Variants in DYRK1A observed in about 807,000 individuals in gnomAD.
The protein encoded by DYRK1A is dual specificity tyrosine phosphorylation regulated kinase 1A, also known as dual specificity tyrosine-phosphorylation-regulated kinase 1A.
DYRK1A carries 9 observed loss-of-function variants against 79.7 expected under a neutral mutation model. The ratio of observed to expected loss-of-function variants is 0.11; its 90% CI spans 0.07 to 0.20. The LOEUF (loss-of-function observed/expected upper bound fraction) is 0.20. Among genes scored for constraint, DYRK1A ranks in the 10% least tolerant of loss-of-function variants. The probability of loss-of-function intolerance (pLI) is 1.00; values close to 1 mark genes in which losing one functional copy is unlikely to be tolerated. For missense variants in DYRK1A, 622 were observed against 956.0 expected, an observed-to-expected ratio of 0.65 and a Z score of 4.61; for synonymous variants, 349 against 329.7, an observed-to-expected ratio of 1.06 and a Z score of -0.63.
At chr21:37,422,834 T>G (rs573564746) in intron 2 of DYRK1A, among the ~76,000 whole-genome samples, 5 of 152,296 alleles carry the variant, frequency 3.3e-5, no homozygotes, top group African/African-American at 1.2e-4. Flanking sequence ...ATAGTTTTAC[T>G]GAACACTAGG....
chr21:37,460,593 C>G (rs985092378), intron 2 of DYRK1A, among the ~76,000 whole-genome samples: 5 of 152,146 alleles, frequency 3.3e-5, no homozygotes, highest in African/African-American at 1.2e-4. Flanking sequence ...TCTTTGTTTA[C>G]CTGTCTTTTG....
chr21:37,455,175 C>G (rs190561557), intron 2 of DYRK1A, among the ~76,000 whole-genome samples: 6 of 151,952 alleles, frequency 3.9e-5, no homozygotes, highest in Admixed American at 2.6e-4. Flanking sequence ...TGATTCTACC[C>G]CTGTGTGTGA....
At chr21:37,453,915 A>G (rs962248183) in intron 2 of DYRK1A, among the ~76,000 whole-genome samples, 1 of 152,102 alleles carries the variant, frequency 6.6e-6, no homozygotes, top group African/African-American at 2.4e-5. Flanking sequence ...TATACTAAAA[A>G]TTGATTTACT....
chr21:37,463,801 A>T (rs144901911), intron 2 of DYRK1A, among the ~76,000 whole-genome samples: 71 of 152,120 alleles, frequency 4.7e-4, no homozygotes, highest in South Asian at 1.5e-3. Flanking sequence ...GTTGCTAGGG[A>T]CCTCGTGGGT....
At chr21:37,489,228 A>G (rs1442110843) in intron 6 of DYRK1A, among the ~76,000 whole-genome samples, 1 of 152,166 alleles carries the variant, frequency 6.6e-6, no homozygotes, top group Non-Finnish European at 1.5e-5. Flanking sequence ...ATAAGATAAA[A>G]TGAAAATCAC....
intron 2 of DYRK1A, among the ~76,000 whole-genome samples, chr21:37,457,037 C>CTTACTTACTTACTTACTTAT (rs1035437095): frequency 1.0e-3 from 62 of 59,246 alleles, no homozygotes; most frequent in South Asian, 6.4e-3. Flanking sequence ...TACTTACTTA[C>CTTACTTACTTACTTACTTAT]TTATTTATTT....
At chr21:37,417,534 T>TCTTTTTCTTTTTCTTTTTC (rs1555959240) in intron 1 of DYRK1A, among the ~76,000 whole-genome samples, 30 of 84,216 alleles carry the variant, frequency 3.6e-4, no homozygotes, top group African/African-American at 1.0e-3. Flanking sequence ...TTTTTCTTTT[T>TCTTTTTCTTTTTCTTTTTC]TTTTTTTTTT....
In DYRK1A at chr21:37,442,234, G is replaced by A. The variant is rs922956696; in HGVS notation, c.10+21850G>A. The stretch of plus-strand genomic sequence containing the variant: ...GTGCTTGTGGTTTGTTGAACTTTTA[G>A]ATCTATGGGTTTGTAGTTTTTATCA... On this transcript the variant is annotated intron_variant, in intron 2 of 11. Transcript: ENST00000647188. 2.0e-5 allele frequency among the ~76,000 whole-genome samples: 3 copies of A among 151,842 alleles called. No homozygotes were observed. The East Asian group carries it at 5.8e-4, about 29-fold the overall frequency.
At chr21:37,379,356 A>G (rs536910616) in intron 1 of DYRK1A, among the ~76,000 whole-genome samples, 19 of 152,348 alleles carry the variant, frequency 1.2e-4, no homozygotes, top group Non-Finnish European at 1.8e-4. Context: ...TTAATTTCCA[A>G]CAGACCAAAG....
At chr21:37,395,175 C>T (rs1465869638) in intron 1 of DYRK1A, among the ~76,000 whole-genome samples, 3 of 152,230 alleles carry the variant, frequency 2.0e-5, no homozygotes, top group Non-Finnish European at 2.9e-5. Context: ...CATTTTGGCT[C>T]ATGGGCCAGA....
rs1367152355 is a variant in DYRK1A, at chr21:37,519,057, C to T, written c.*6526C>T. On this transcript the variant is annotated 3_prime_UTR_variant, in exon 12 of 12. Transcript: ENST00000647188. Reference sequence around the variant, plus strand: ...AATTGCCAGATGTAAGTATATAAAACTTACACAGTTTGTTCCTTTTTGTTG... The same window carrying T: ...AATTGCCAGATGTAAGTATATAAAATTTACACAGTTTGTTCCTTTTTGTTG... 6.6e-6 allele frequency: 1 copy of T among 152,202 alleles called. No homozygotes were observed. The highest frequency in any genetic ancestry group is 1.9e-4 in the East Asian group (1 of 5,202). 9.4% of individuals were successfully genotyped at this position (152,202 alleles called of 1,614,324 possible). A position where few individuals can be genotyped will look rare whatever the true frequency, so the allele number is the denominator to read the frequency against.
chr21:37,472,628 T>C, intron 2 of DYRK1A, 56 bp from the exon 3 acceptor site: 1 of 1,387,492 alleles, frequency 7.2e-7, no homozygotes, highest in Non-Finnish European at 9.7e-7. Context: ...ATATGTCAAA[T>C]GATACAAACA....
In DYRK1A at chr21:37,479,593, TGTTTTTGTTTTTGTTTTTG is replaced by T. The variant is rs1484132304; in HGVS notation, c.301-1044_301-1026del. Among the ~76,000 whole-genome samples the T allele has an allele frequency of 5.9e-4, 39 of 66,508 alleles. 1 individual carries two copies. The highest frequency in any genetic ancestry group is 4.2e-3 in the African/African-American group (39 of 9,210). 43.6% of individuals were successfully genotyped at this position (66,508 alleles called of 152,430 possible). A position where few individuals can be genotyped will look rare whatever the true frequency, so the allele number is the denominator to read the frequency against. On this transcript the variant is annotated intron_variant, in intron 4 of 11. Transcript: ENST00000647188. ...AGTCTTAGAAACAGTGTTGGTGTTTTGTTTTTGTTTTTGTTTTTGTTTTTTGTTTTTTTTTTTTTTTTTG... is the reference window on the plus strand; with the variant it reads ...AGTCTTAGAAACAGTGTTGGTGTTTTTTTTTTGTTTTTTTTTTTTTTTTTG...
intron 1 of DYRK1A, among the ~76,000 whole-genome samples, chr21:37,388,268 A>T (rs893143949): frequency 2.0e-5 from 3 of 151,846 alleles, no homozygotes; most frequent in Non-Finnish European, 4.4e-5. Context: ...TATTTTGTAG[A>T]GACGGGGGTC....
intron 3 of DYRK1A, among the ~76,000 whole-genome samples, chr21:37,477,886 A>G (rs2052456000): frequency 6.6e-6 from 1 of 152,194 alleles, no homozygotes; most frequent in Admixed American, 6.5e-5. Context: ...GTGGTAGAGA[A>G]GCCCTCGTGG....
intron 1 of DYRK1A, among the ~76,000 whole-genome samples, chr21:37,412,691 TAAGACCATTTAGATA>T (rs1440087528): frequency 6.6e-6 from 1 of 152,188 alleles, no homozygotes; most frequent in African/African-American, 2.4e-5. Flanking sequence ...TAGGATTTAG[TAAGACCATTTAGATA>T]AAGTCAGCAG....
At chr21:37,393,094 T>TTTTGGGGGACACA (rs1236306883) in intron 1 of DYRK1A, among the ~76,000 whole-genome samples, 1 of 152,218 alleles carries the variant, frequency 6.6e-6, no homozygotes, top group Non-Finnish European at 1.5e-5. Flanking sequence ...AACAAATGAA[T>TTTTGGGGGACACA]TTTGGGGGAC....
intron 2 of DYRK1A, among the ~76,000 whole-genome samples, chr21:37,448,972 A>G (rs992089975): frequency 1.3e-5 from 2 of 152,324 alleles, no homozygotes; most frequent in Non-Finnish European, 2.9e-5. Context: ...TGTTGGGATT[A>G]CAGGTGTGAG....
Position 37,522,729 on chromosome 21 carries a change from C to T in DYRK1A, c.*10198C>T, listed in dbSNP as rs977238723. 8 of 152,252 alleles carry T rather than the reference C, an allele frequency of 5.3e-5. No individual in the cohort carries two copies. Among genetic ancestry groups the T allele is most frequent in the African/African-American group, 1.9e-4 (8 of 41,458 alleles). The allele number at this position is 152,252 out of a possible 1,614,324, so 9.4% of individuals were successfully genotyped here. On this transcript the variant is annotated 3_prime_UTR_variant, in exon 12 of 12. Coordinates refer to ENST00000647188, the MANE Select transcript of DYRK1A (RefSeq NM_001347721.2). ...TCGTTTAATTGTGAAACTAGAATCA[C>T]TTCCAGGAAGCTCTGAAGAATCAAG...
Sources: gnomAD v4.1 joint callset for allele counts (sites outside exome capture counted in the v4.1 genomes callset) on GRCh38, gnomAD v4.1.1 for gene constraint, MANE v1.5 for transcripts, NCBI Gene and HGNC (gene_info 2026-07-23, HGNC 2026-07-21) for gene names.